SMCHD1: variants seen among roughly 807,000 people sequenced by gnomAD.
SMCHD1 encodes the protein structural maintenance of chromosomes flexible hinge domain-containing protein 1.
Under a neutral mutation model 254.7 loss-of-function variants are expected in SMCHD1, and 78 were observed. That is an observed-to-expected ratio of 0.31 (90% CI 0.26 to 0.37). The LOEUF is 0.37. SMCHD1 is among the 10% of genes least tolerant of loss of function. The pLI is 1.00. For missense variants in SMCHD1, 1,840 were observed against 2,408.1 expected (o/e 0.76, Z 4.94); for synonymous variants, 766 against 794.9 (o/e 0.96, Z 0.61).
At chr18:2,682,583 A>G (rs2073957482) in intron 5 of SMCHD1, among the ~76,000 whole-genome samples, 1 of 152,068 alleles carries the variant, frequency 6.6e-6, no homozygotes, top group Admixed American at 6.5e-5. Flanking sequence ...CAGCCTCCCA[A>G]AGTGCTGGGA....
chr18:2,730,078 A>G (rs8089530), intron 24 of SMCHD1, among the ~76,000 whole-genome samples: 93,416 of 152,024 alleles, frequency 0.61, 29,419 homozygotes, highest in East Asian at 0.81. Flanking sequence ...TTAAACCACC[A>G]TGGAAGGACA....
At position 2,656,226 on chromosome 18, in the gene SMCHD1, T is replaced by G; in HGVS notation, c.151T>G (p.Ser51Ala). 1 of 1,503,996 alleles carries G rather than the reference T, an allele frequency of 6.6e-7. No homozygotes were observed. The highest frequency in any genetic ancestry group is 8.8e-7 in the Non-Finnish European group (1 of 1,135,114). The allele number at this position is 1,503,996 out of a possible 1,614,324, so 93.2% of individuals were successfully genotyped here. A position where few individuals can be genotyped will look rare whatever the true frequency, so the allele number is the denominator to read the frequency against. ...GDRPLQVGER[S>A]DYAGFRACVC... Reference sequence around the variant, plus strand: ...CCGGCCTCTGCAGGTCGGGGAGCGCTCGGACTACGCGGGATTTCGCGCGTG... The same window carrying G: ...CCGGCCTCTGCAGGTCGGGGAGCGCGCGGACTACGCGGGATTTCGCGCGTG... Residue 51 changes from serine (S) to alanine (A), a missense_variant, in exon 1 of 48, where the codon TCG becomes GCG. Ser to Ala is a moderately conservative substitution (Grantham distance 99, BLOSUM62 1). Transcript: ENST00000320876.
At chr18:2,738,605 A>G (rs1455809012) in intron 26 of SMCHD1, 60 bp downstream of exon 26, 31 of 1,384,028 alleles carry the variant, frequency 2.2e-5, no homozygotes, top group Non-Finnish European at 3.0e-5. Context: ...TCCATTGCAC[A>G]TATATGAAAG....
intron 33 of SMCHD1, among the ~76,000 whole-genome samples, 192 bp downstream of exon 33, chr18:2,751,585 GAGT>G (rs1456531945): frequency 2.6e-5 from 4 of 152,072 alleles, no homozygotes; most frequent in Non-Finnish European, 2.9e-5. Context: ...TATTGAAAAA[GAGT>G]AGTCTACATT....
chr18:2,743,350 G>A (rs2075386845), intron 28 of SMCHD1, among the ~76,000 whole-genome samples: 1 of 152,076 alleles, frequency 6.6e-6, no homozygotes, highest in African/African-American at 2.4e-5. Flanking sequence ...CAATAAGTAA[G>A]GTGATCAGGG....
Position 2,750,065 on chromosome 18 carries a change from A to G in SMCHD1, c.3950A>G (p.His1317Arg). The change falls in exon 31 of 48, where the codon CAT becomes CGT. Residue 1317 changes from histidine to arginine, a missense_variant. Around this residue, in one of 9 missense-constraint regions of SMCHD1, gnomAD observed 881 missense variants for 1,009.5 expected, o/e 0.87. Transcript: ENST00000320876. ...NLKLMPSNQQ[H>R]KTDEKGRANL... ...TAGCTCATGCCTTCAAACCAACAGC[A>G]TAAAACAGATGAGAAAGGCAGGGCT... The G allele has an allele frequency of 9.5e-6, 15 of 1,572,144 alleles. No homozygotes were observed. Among genetic ancestry groups the G allele is most frequent in the Non-Finnish European group, 1.3e-5 (15 of 1,156,848 alleles).
At chr18:2,666,589 A>G (rs141235971) in intron 2 of SMCHD1, among the ~76,000 whole-genome samples, 41 of 152,244 alleles carry the variant, frequency 2.7e-4, no homozygotes, top group African/African-American at 9.4e-4. Context: ...GAATTTAACC[A>G]TTCTCCATTC....
At chr18:2,733,848 C>G (rs188086139) in intron 25 of SMCHD1, among the ~76,000 whole-genome samples, 1 of 152,142 alleles carries the variant, frequency 6.6e-6, no homozygotes, top group Non-Finnish European at 1.5e-5. Context: ...AATAATTTAT[C>G]AAAATTCCAG....
At chr18:2,659,000 A>G (rs1368251408) in intron 1 of SMCHD1, among the ~76,000 whole-genome samples, 1 of 152,086 alleles carries the variant, frequency 6.6e-6, no homozygotes, top group Non-Finnish European at 1.5e-5. Context: ...TAGAACCATC[A>G]CTTTTGTCCT....
chr18:2,706,312 C>A, intron 14 of SMCHD1, 52 bp from the exon 15 acceptor site: 2 of 1,255,770 alleles, frequency 1.6e-6, no homozygotes, highest in Non-Finnish European at 2.2e-6. Context: ...GTTTTTATTA[C>A]AGCTAGATTT....
chr18:2,752,342 T>C (rs2075591000), intron 33 of SMCHD1, 146 bp from the exon 34 acceptor site: 2 of 631,532 alleles, frequency 3.2e-6, no homozygotes, highest in Non-Finnish European at 2.9e-6. Context: ...TATGAAGATA[T>C]AAACGTGTGT....
chr18:2,768,899 G>A (rs949572315), intron 37 of SMCHD1, among the ~76,000 whole-genome samples: 4 of 151,926 alleles, frequency 2.6e-5, no homozygotes, highest in Admixed American at 2.0e-4. Flanking sequence ...TGGTTTAATG[G>A]TGGGCTTGTA....
At chr18:2,798,533 T>C (rs972156171) in intron 47 of SMCHD1, among the ~76,000 whole-genome samples, 2 of 152,250 alleles carry the variant, frequency 1.3e-5, no homozygotes, top group African/African-American at 2.4e-5. Context: ...AAGACATGTG[T>C]ATGAACTATC....
intron 29 of SMCHD1, among the ~76,000 whole-genome samples, chr18:2,745,103 G>C (rs570631885): frequency 2.0e-5 from 3 of 152,146 alleles, no homozygotes; most frequent in African/African-American, 7.2e-5. Context: ...TTGGCCTCCC[G>C]AAGTGCTGGG....
intron 1 of SMCHD1, among the ~76,000 whole-genome samples, chr18:2,665,741 TC>T (rs1409212665): frequency 6.6e-6 from 1 of 152,234 alleles, no homozygotes; most frequent in Non-Finnish European, 1.5e-5. Flanking sequence ...TCTGTTTTCT[TC>T]TATTTTGTTT....
At chr18:2,774,314 G>A (rs775097014) in intron 41 of SMCHD1, among the ~76,000 whole-genome samples, 41 of 151,960 alleles carry the variant, frequency 2.7e-4, no homozygotes, top group African/African-American at 8.0e-4. Context: ...TTTCATTTTC[G>A]TTTACATGTA....
intron 20 of SMCHD1, among the ~76,000 whole-genome samples, chr18:2,723,487 C>A (rs568437634): frequency 6.6e-6 from 1 of 151,922 alleles, no homozygotes; most frequent in African/African-American, 2.4e-5. Flanking sequence ...ATCCTGTTGT[C>A]AGTATTTTTA....
At chr18:2,704,500 A>G (rs1287124926) in intron 13 of SMCHD1, among the ~76,000 whole-genome samples, 2 of 152,070 alleles carry the variant, frequency 1.3e-5, no homozygotes, top group East Asian at 3.8e-4. Flanking sequence ...TATCCTAGCA[A>G]TGGGGATAGT....
At chr18:2,754,072 T>TACC (rs1467113036) in intron 34 of SMCHD1, among the ~76,000 whole-genome samples, 4 of 152,208 alleles carry the variant, frequency 2.6e-5, no homozygotes, top group Non-Finnish European at 5.9e-5. Flanking sequence ...ATATTAGAGA[T>TACC]ACAAGCCTTT....
Sources: allele counts gnomAD v4.1 joint callset (sites outside exome capture counted in the v4.1 genomes callset), GRCh38; gene constraint gnomAD v4.1.1; regional missense constraint gnomAD v4.1.1; transcripts MANE v1.5; gene names NCBI Gene and HGNC (gene_info 2026-07-23, HGNC 2026-07-21).